Variants in SURF6 observed in about 807,000 individuals in gnomAD.
SURF6 encodes surfeit 6.
Under a neutral mutation model 37.5 loss-of-function variants are expected in SURF6, and 28 were observed. The observed-to-expected ratio is 0.75, with a 90% CI of 0.55 to 1.02. The LOEUF (loss-of-function observed/expected upper bound fraction) is 1.02. Among genes scored for constraint, SURF6 ranks in the 50% least tolerant of loss-of-function variants. SURF6 has a pLI of 0.00. For missense variants in SURF6, 560 were observed against 490.5 expected, an observed-to-expected ratio of 1.14 and a Z score of -1.34; for synonymous variants, 248 against 210.9, an observed-to-expected ratio of 1.18 and a Z score of -1.52.
Position 133,331,688 on chromosome 9 carries a change from C to T in SURF6, c.*181G>A. On this transcript the variant is annotated 3_prime_UTR_variant, in exon 5 of 5. Coordinates refer to ENST00000372022, the MANE Select transcript of SURF6 (RefSeq NM_006753.6). ...TGCGTTCAAGGATGACGCTGAAACT[C>T]TCTCTTTCTCACATGGGATCTGTGA... is the stretch of plus-strand genomic sequence containing the variant. 1.3e-6 allele frequency: 1 copy of T among 787,226 alleles called. No individual in the cohort carries two copies. 48.8% of individuals were successfully genotyped at this position (787,226 alleles called of 1,614,324 possible). A position where few individuals can be genotyped will look rare whatever the true frequency, so the allele number is the denominator to read the frequency against.
In SURF6 at chr9:133,331,133, T is replaced by C. The variant is rs2129908903; in HGVS notation, c.*736A>G. 1 of 152,360 alleles carries C rather than the reference T, an allele frequency of 6.6e-6. No homozygotes were observed. Among genetic ancestry groups the C allele is most frequent in the Non-Finnish European group, 1.5e-5 (1 of 68,044 alleles). The allele number at this position is 152,360 out of a possible 1,614,324, so 9.4% of individuals were successfully genotyped here. On this transcript the variant is annotated 3_prime_UTR_variant, in exon 5 of 5. Coordinates refer to ENST00000372022, the MANE Select transcript of SURF6 (RefSeq NM_006753.6). ...CTGGATTTAATTCTTCCATCCCACT[T>C]TGTATCTTGCATTCACTTCACTCTC...
In SURF6 at chr9:133,331,808, GA is replaced by G; in HGVS notation, c.*60del. 1 of 1,479,046 alleles carries G rather than the reference GA, an allele frequency of 6.8e-7. No individual in the cohort carries two copies. The highest frequency in any genetic ancestry group is 8.9e-7 in the Non-Finnish European group (1 of 1,124,978). 91.6% of individuals were successfully genotyped at this position (1,479,046 alleles called of 1,614,324 possible). On this transcript the variant is annotated 3_prime_UTR_variant, in exon 5 of 5. Coordinates refer to ENST00000372022, the MANE Select transcript of SURF6 (RefSeq NM_006753.6). ...ATCCTGGGACAGAGCCAGCGTCAAG[GA>G]CTCAGAGGGTGTCCTGGAGTCTCCT...
Position 133,332,017 on chromosome 9 carries a change from C to T in SURF6, c.938G>A (p.Gly313Asp), listed in dbSNP as rs1835746056. The T allele has an allele frequency of 1.2e-6, 2 of 1,600,524 alleles. No individual in the cohort carries two copies. Among genetic ancestry groups the T allele is most frequent in the African/African-American group, 1.3e-5 (1 of 74,900 alleles). ...GCGCTGCTGCATCTTCTCCACCACG[C>T]CGGCCGTGCGCTTCTCCCACCGGCG... is the stretch of plus-strand genomic sequence containing the variant. ...RQRRWEKRTA[G>D]VVEKMQQRQD... Residue 313 changes from glycine to aspartate, a missense_variant, in exon 5 of 5, where the codon GGC (glycine) becomes GAC (aspartate). Physicochemically the swap from Gly to Asp is moderately conservative, Grantham distance 94 (BLOSUM62 -1). Transcript: ENST00000372022.
At chr9:133,333,577 C>A in intron 3 of SURF6, 141 bp downstream of exon 3, 1 of 701,066 alleles carries the variant, frequency 1.4e-6, no homozygotes, top group African/African-American at 1.8e-5. Context: ...AAAATAACTG[C>A]TCTCCCAGAG....
chr9:133,333,814 G>A lies in SURF6; in HGVS notation c.305-8C>T, dbSNP rs2129925010. 2 of 1,612,068 alleles carry A rather than the reference G, an allele frequency of 1.2e-6. No homozygotes were observed. Among genetic ancestry groups the A allele is most frequent in the African/African-American group, 1.3e-5 (1 of 74,992 alleles). Reference sequence around the variant, plus strand: ...GCTCAGTGGCCAGGCCATCTGCAGGGAAGGAGACAGGACTGCAGGGGGCCC... The same window carrying A: ...GCTCAGTGGCCAGGCCATCTGCAGGAAAGGAGACAGGACTGCAGGGGGCCC... On this transcript the variant is annotated splice_polypyrimidine_tract_variant and splice_region_variant and intron_variant, in intron 2 of 4. Transcript: ENST00000372022.
chr9:133,335,502 C>T (rs1835850811), intron 1 of SURF6, among the ~76,000 whole-genome samples: 1 of 152,086 alleles, frequency 6.6e-6, no homozygotes, highest in East Asian at 1.9e-4. Flanking sequence ...CTCCTGGGCC[C>T]AGACAGCACT....
rs1835860441 is a variant in SURF6, at chr9:133,335,831, G to C, written c.94+208C>G. 2.6e-5 allele frequency among the ~76,000 whole-genome samples: 4 copies of C among 151,998 alleles called. No individual in the cohort carries two copies. The South Asian group carries it at 6.2e-4, about 24-fold the overall frequency. ...ACGGAGCTTGCAGTGAGCCGAGATC[G>C]CGTCGCTGCACGCCAGCCTGGACGA... On this transcript the variant is annotated intron_variant, in intron 1 of 4. Coordinates refer to ENST00000372022, the MANE Select transcript of SURF6 (RefSeq NM_006753.6).
chr9:133,329,791 CTCTG>C lies in SURF6; in HGVS notation c.*2074_*2077del, dbSNP rs1040234531. 7 of 152,142 alleles carry C rather than the reference CTCTG, an allele frequency of 4.6e-5. No homozygotes were observed. The highest frequency in any genetic ancestry group is 9.7e-5 in the African/African-American group (4 of 41,420). 9.4% of individuals were successfully genotyped at this position (152,142 alleles called of 1,614,324 possible). A position where few individuals can be genotyped will look rare whatever the true frequency, so the allele number is the denominator to read the frequency against. On this transcript the variant is annotated 3_prime_UTR_variant, in exon 5 of 5. Coordinates refer to ENST00000372022, the MANE Select transcript of SURF6 (RefSeq NM_006753.6). The stretch of plus-strand genomic sequence containing the variant: ...TTATTATACTGGAACAGCTCGTGTC[CTCTG>C]TCTCTTGCCTCGGCGCCTGGGTGGC...
intron 3 of SURF6, chr9:133,332,982 G>A (rs2129922100): frequency 4.5e-5 from 27 of 594,706 alleles, no homozygotes; most frequent in African/African-American, 1.1e-4. Context: ...TCCAATTCCC[G>A]GGTGCTTACC....
rs2129900684 is a variant in SURF6 at position 133,328,939 on chromosome 9, C to A, written c.*2930G>T. On this transcript the variant is annotated 3_prime_UTR_variant, in exon 5 of 5. Transcript: ENST00000372022. ...AGATAAAAGAAAAGGCAGCTGGGCC[C>A]GGGAGACCACTACTACCAATGCTCG... is the stretch of plus-strand genomic sequence containing the variant. 1 of 153,282 alleles carries A rather than the reference C, an allele frequency of 6.5e-6. No homozygotes were observed. The highest frequency in any genetic ancestry group is 1.8e-4 in the South Asian group (1 of 5,504). The allele number at this position is 153,282 out of a possible 1,614,324, so 9.5% of individuals were successfully genotyped here.
Position 133,330,065 on chromosome 9 carries a change from T to C in SURF6, c.*1804A>G, listed in dbSNP as rs2129904892. 1.3e-5 allele frequency: 2 copies of C among 152,298 alleles called. No individual in the cohort carries two copies. The highest frequency in any genetic ancestry group is 4.1e-4 in the South Asian group (2 of 4,830). 9.4% of individuals were successfully genotyped at this position (152,298 alleles called of 1,614,324 possible). Reference sequence around the variant, plus strand: ...TATTACTTTTAGTCAGTTTTGGAGATTTTTCTTCCATTTACTTTGAGTTGT... The same window carrying C: ...TATTACTTTTAGTCAGTTTTGGAGACTTTTCTTCCATTTACTTTGAGTTGT... On this transcript the variant is annotated 3_prime_UTR_variant, in exon 5 of 5. Transcript: ENST00000372022.
At chr9:133,332,491 G>A in intron 4 of SURF6, 57 bp downstream of exon 4, 1 of 1,579,686 alleles carries the variant, frequency 6.3e-7, no homozygotes, top group Non-Finnish European at 8.6e-7. Context: ...GCTAACAAGG[G>A]GCAACGCTGA....
In SURF6 at chr9:133,330,854, G is replaced by A. The variant is rs1353095896; in HGVS notation, c.*1015C>T. 6.6e-6 allele frequency: 1 copy of A among 152,174 alleles called. No individual in the cohort carries two copies. The highest frequency in any genetic ancestry group is 2.4e-5 in the African/African-American group (1 of 41,442). The allele number at this position is 152,174 out of a possible 1,614,324, so 9.4% of individuals were successfully genotyped here. ...TTCCATATATGCATGGAAAGAGTAT[G>A]TATTCTTTTCAGATACTGTTGTGTC... On this transcript the variant is annotated 3_prime_UTR_variant, in exon 5 of 5. Transcript: ENST00000372022.
chr9:133,331,702 TG>T lies in SURF6; in HGVS notation c.*166del. ...ACGCTGAAACTCTCTCTTTCTCACA[TG>T]GGATCTGTGATCTGGGCCCTCACAA... On this transcript the variant is annotated 3_prime_UTR_variant, in exon 5 of 5. Transcript: ENST00000372022. 1.2e-6 allele frequency: 1 copy of T among 863,982 alleles called. No homozygotes were observed. Among genetic ancestry groups the T allele is most frequent in the Non-Finnish European group, 1.6e-6 (1 of 628,020 alleles). The allele number at this position is 863,982 out of a possible 1,614,324, so 53.5% of individuals were successfully genotyped here. A position where few individuals can be genotyped will look rare whatever the true frequency, so the allele number is the denominator to read the frequency against.
At position 133,329,395 on chromosome 9, in the gene SURF6, G is replaced by A. The variant is rs2129902460; in HGVS notation, c.*2474C>T. 1 of 251,112 alleles carries A rather than the reference G, an allele frequency of 4.0e-6. No homozygotes were observed. The highest frequency in any genetic ancestry group is 8.1e-6 in the Non-Finnish European group (1 of 123,110). 15.6% of individuals were successfully genotyped at this position (251,112 alleles called of 1,614,324 possible). On this transcript the variant is annotated 3_prime_UTR_variant, in exon 5 of 5. Transcript: ENST00000372022. ...CAGAGTCTTCTCTAAACTCCTCCAG[G>A]GAAAGGGACACTCCCTTTCCCGGTC...
At position 133,334,585 on chromosome 9, in the gene SURF6, G is replaced by A. The variant is rs2129928452; in HGVS notation, c.111C>T (p.Gly37=). 2 of 1,610,006 alleles carry A rather than the reference G, an allele frequency of 1.2e-6. No homozygotes were observed. Among genetic ancestry groups the A allele is most frequent in the Admixed American group, 1.7e-5 (1 of 59,924 alleles). Residue 37 remains glycine, a synonymous_variant, in exon 2 of 5, where the codon GGC becomes GGT. Transcript: ENST00000372022. ...TTTTTGGGGGCCCTGCAGTTTCTGA[G>A]CCTTGAGTTTTGCCAGCTGAAATGC... ...QARTRAGKTQ[G]SETAGPPKKK...
chr9:133,333,878 C>A, intron 2 of SURF6, 72 bp from the exon 3 acceptor site: 1 of 1,306,242 alleles, frequency 7.7e-7, no homozygotes, highest in Non-Finnish European at 1.1e-6. Flanking sequence ...GCCACGAATC[C>A]CTGTCCCACT....
At position 133,330,550 on chromosome 9, in the gene SURF6, C is replaced by T. The variant is rs1212516130; in HGVS notation, c.*1319G>A. 2.0e-5 allele frequency: 3 copies of T among 152,142 alleles called. No individual in the cohort carries two copies. The highest frequency in any genetic ancestry group is 6.5e-5 in the Admixed American group (1 of 15,274). The allele number at this position is 152,142 out of a possible 1,614,324, so 9.4% of individuals were successfully genotyped here. ...AGGCCCTGTTCCACAAATTTTAATA[C>T]GTAGCATTTTCATTATCCTTTAGTC... On this transcript the variant is annotated 3_prime_UTR_variant, in exon 5 of 5. Coordinates refer to ENST00000372022, the MANE Select transcript of SURF6 (RefSeq NM_006753.6).
intron 1 of SURF6, among the ~76,000 whole-genome samples, chr9:133,335,121 G>A (rs1263388389): frequency 2.6e-5 from 4 of 152,156 alleles, no homozygotes; most frequent in South Asian, 2.1e-4. Context: ...CACTGTGCCC[G>A]GCTAATTTTT....
Sources: gnomAD v4.1 joint callset for allele counts (sites outside exome capture counted in the v4.1 genomes callset) on GRCh38, gnomAD v4.1.1 for gene constraint, MANE v1.5 for transcripts, NCBI Gene and HGNC (gene_info 2026-07-23, HGNC 2026-07-21) for gene names.